RHOQ: variants seen among roughly 807,000 people sequenced by gnomAD.
RHOQ encodes rho-related GTP-binding protein RhoQ.
Under a neutral mutation model 25.8 loss-of-function variants are expected in RHOQ, and 7 were observed. The ratio of observed to expected loss-of-function variants is 0.27; its 90% CI spans 0.15 to 0.51. The LOEUF is 0.51. Among genes scored for constraint, RHOQ ranks in the 20% least tolerant of loss-of-function variants. The probability of loss-of-function intolerance (pLI) is 0.97; values close to 1 mark genes in which losing one functional copy is unlikely to be tolerated. For missense variants in RHOQ, 165 were observed against 260.6 expected, an observed-to-expected ratio of 0.63 and a Z score of 2.53; for synonymous variants, 97 against 98.6, an observed-to-expected ratio of 0.98 and a Z score of 0.10.
At position 46,551,396 on chromosome 2, in the gene RHOQ, TA is replaced by T. The variant is rs146779274; in HGVS notation, c.201+7587del. ...GGTGAAGATTTGGGAAGCATTGACCTAAATGAGTTCCAGCAGGCAGAGGGGT... is the reference window on the plus strand; with the variant it reads ...GGTGAAGATTTGGGAAGCATTGACCTAATGAGTTCCAGCAGGCAGAGGGGT... On this transcript the variant is annotated intron_variant, in intron 2 of 4. Coordinates refer to ENST00000238738, the MANE Select transcript of RHOQ (RefSeq NM_012249.4). Among the ~76,000 whole-genome samples the T allele has an allele frequency of 3.6e-3, 547 of 152,270 alleles. 3 individuals are homozygous for T. The highest frequency in any genetic ancestry group is 0.012 in the African/African-American group (518 of 41,532).
chr2:46,577,100 A>AC (rs1280546854), intron 4 of RHOQ: 1 of 152,920 alleles, frequency 6.5e-6, no homozygotes, highest in African/African-American at 2.4e-5. Flanking sequence ...CAGTGGAGCC[A>AC]CCTAGGATGA....
Position 46,543,222 on chromosome 2 carries a change from C to T in RHOQ, c.142+34C>T, listed in dbSNP as rs557856106. On this transcript the variant is annotated intron_variant, in intron 1 of 4. Transcript: ENST00000238738. ...CGGAACTGCTGACTAAGGGGCCGCT[C>T]CCCGGGCCGGGAACTTTGGAGCAAC... 2.2e-5 allele frequency: 35 copies of T among 1,609,026 alleles called. 1 individual carries two copies. In the South Asian group the frequency reaches 3.9e-4, roughly 18 times the overall value.
In RHOQ at chr2:46,556,453, C is replaced by A. The variant is rs906579341; in HGVS notation, c.201+12641C>A. On this transcript the variant is annotated intron_variant, in intron 2 of 4. Transcript: ENST00000238738. This position sits in a 1 kb window ranked among gnomAD's most constrained non-coding sequence, Gnocchi z 4.9. Reference sequence around the variant, plus strand: ...GGCGAGGGCTGATCTCTTCTCTACCCTTCTGATATTCTTTTTCTTAAAAAA... The same window carrying A: ...GGCGAGGGCTGATCTCTTCTCTACCATTCTGATATTCTTTTTCTTAAAAAA... Among the ~76,000 whole-genome samples the A allele has an allele frequency of 6.6e-6, 1 of 151,560 alleles. No homozygotes were observed. Among genetic ancestry groups the A allele is most frequent in the African/African-American group, 2.4e-5 (1 of 41,164 alleles).
Position 46,543,797 on chromosome 2 carries a change from T to C in RHOQ, c.186T>C (p.Tyr62=). 6.2e-7 allele frequency: 1 copy of C among 1,613,708 alleles called. No individual in the cohort carries two copies. The highest frequency in any genetic ancestry group is 8.5e-7 in the Non-Finnish European group (1 of 1,179,836). The change falls in exon 2 of 5, where the codon TAT becomes TAC. Residue 62 remains tyrosine (Y), a synonymous_variant. Coordinates refer to ENST00000238738, the MANE Select transcript of RHOQ (RefSeq NM_012249.4). ...VGGKQYLLGL[Y]DTAGQEDYDR... The stretch of plus-strand genomic sequence containing the variant: ...GCAAGCAGTACCTCCTAGGACTCTA[T>C]GACACGGCCGGACAGGTGAGTGTCT...
chr2:46,578,633 G>C (rs572911041), intron 4 of RHOQ, among the ~76,000 whole-genome samples: 1 of 137,774 alleles, frequency 7.3e-6, no homozygotes, highest in African/African-American at 2.7e-5. Flanking sequence ...GTGCATACCT[G>C]TAGTCCCAGC....
At chr2:46,560,622 G>A (rs992977376) in intron 2 of RHOQ, 1 of 456,124 alleles carries the variant, frequency 2.2e-6, no homozygotes, top group Non-Finnish European at 4.4e-6. Context: ...CGAGAGCATG[G>A]GTTTCCAGTG....
intron 2 of RHOQ, among the ~76,000 whole-genome samples, chr2:46,573,238 A>G (rs1433679811): frequency 6.6e-6 from 1 of 151,950 alleles, no homozygotes; most frequent in Non-Finnish European, 1.5e-5. Context: ...TAATTTTTGT[A>G]TTTTTAGTAG....
chr2:46,572,349 C>T (rs1668960309), intron 2 of RHOQ, among the ~76,000 whole-genome samples: 1 of 151,962 alleles, frequency 6.6e-6, no homozygotes, highest in African/African-American at 2.4e-5. Flanking sequence ...GCAATCTCCC[C>T]ACCTCGGCCT....
chr2:46,560,426 G>C (rs990663944), intron 2 of RHOQ: 6 of 344,734 alleles, frequency 1.7e-5, no homozygotes, highest in Admixed American at 7.4e-5. Flanking sequence ...TTTTTTTATA[G>C]TTAGAAACAT....
chr2:46,548,245 A>C lies in RHOQ; in HGVS notation c.201+4433A>C, dbSNP rs77077318. On this transcript the variant is annotated intron_variant, in intron 2 of 4. Transcript: ENST00000238738. The surrounding 1 kb of genome is among the most constrained non-coding windows in gnomAD (Gnocchi z 5.2). ...GTGAGATTTGTTTTACACTTGATATAACCCAGCAGCTGTGGCTGCCCTGCA... is the reference window on the plus strand; with the variant it reads ...GTGAGATTTGTTTTACACTTGATATCACCCAGCAGCTGTGGCTGCCCTGCA... Among the ~76,000 whole-genome samples, 2 of 152,326 alleles carry C rather than the reference A, an allele frequency of 1.3e-5. No individual in the cohort carries two copies. The highest frequency in any genetic ancestry group is 3.9e-4 in the East Asian group (2 of 5,178).
At chr2:46,568,431 C>T (rs948604259) in intron 2 of RHOQ, 3 of 152,146 alleles carry the variant, frequency 2.0e-5, no homozygotes, top group Non-Finnish European at 4.4e-5. Context: ...CTCATGACCA[C>T]GGGGAGGTTG....
intron 2 of RHOQ, chr2:46,568,470 C>G (rs1036790149): frequency 2.0e-5 from 3 of 152,182 alleles, no homozygotes; most frequent in African/African-American, 7.2e-5. Context: ...ACTGGACCAC[C>G]TTGAATTGTA....
chr2:46,555,381 C>T lies in RHOQ; in HGVS notation c.201+11569C>T, dbSNP rs1440338957. On this transcript the variant is annotated intron_variant, in intron 2 of 4. Coordinates refer to ENST00000238738, the MANE Select transcript of RHOQ (RefSeq NM_012249.4). This position sits in a 1 kb window ranked among gnomAD's most constrained non-coding sequence, Gnocchi z 4.3. ...TGCACGTAGCACATAGCACTTTGCA[C>T]AAGTGTTGGGGGCCCCAGTAGGAAC... Among the ~76,000 whole-genome samples the T allele has an allele frequency of 6.6e-6, 1 of 152,228 alleles. No homozygotes were observed. The highest frequency in any genetic ancestry group is 1.5e-5 in the Non-Finnish European group (1 of 68,044).
At chr2:46,549,509 C>G (rs562250872) in intron 2 of RHOQ, among the ~76,000 whole-genome samples, 1 of 152,292 alleles carries the variant, frequency 6.6e-6, no homozygotes, top group African/African-American at 2.4e-5. Context: ...ACAGAGGCCT[C>G]AGACACAACA....
Position 46,569,933 on chromosome 2 carries a change from A to G in RHOQ, c.202-6154A>G, listed in dbSNP as rs1200416517. On this transcript the variant is annotated intron_variant, in intron 2 of 4. Transcript: ENST00000238738. The surrounding 1 kb of genome is among the most constrained non-coding windows in gnomAD (Gnocchi z 4.1). ...CTTCCCCAAAATTTTCTTTAGTCCA[A>G]GAGTGCTGGGAGGTAGTAGGAAGTG... Among the ~76,000 whole-genome samples the G allele has an allele frequency of 6.6e-6, 1 of 152,214 alleles. No homozygotes were observed. Among genetic ancestry groups the G allele is most frequent in the Non-Finnish European group, 1.5e-5 (1 of 68,024 alleles).
Position 46,542,700 on chromosome 2 carries a change from C to G in RHOQ, c.-347C>G, listed in dbSNP as rs1048573664. 1 of 146,810 alleles carries G rather than the reference C, an allele frequency of 6.8e-6. No homozygotes were observed. The highest frequency in any genetic ancestry group is 1.5e-5 in the Non-Finnish European group (1 of 65,958). 9.1% of individuals were successfully genotyped at this position (146,810 alleles called of 1,614,324 possible). ...TGGCCCCTCCCCTCCGCCGCCCTCC[C>G]CAAAGTTGCCGTCTCCCCCGGGGCC... On this transcript the variant is annotated 5_prime_UTR_variant, in exon 1 of 5. Transcript: ENST00000238738.
intron 2 of RHOQ, among the ~76,000 whole-genome samples, chr2:46,547,590 C>T (rs1668113186): frequency 6.6e-6 from 1 of 152,244 alleles, no homozygotes; most frequent in South Asian, 2.1e-4. Context: ...GAGCAGCTGT[C>T]ACATTTTGAC....
intron 2 of RHOQ, among the ~76,000 whole-genome samples, chr2:46,572,120 T>TTTG (rs1558691092): frequency 1.2e-4 from 16 of 138,104 alleles, no homozygotes; most frequent in Non-Finnish European, 4.7e-5. Flanking sequence ...TTTTTTTTTT[T>TTTG]TTTTTTTTTT....
intron 2 of RHOQ, among the ~76,000 whole-genome samples, chr2:46,546,087 A>G (rs995244189): frequency 2.6e-5 from 4 of 152,096 alleles, no homozygotes; most frequent in African/African-American, 4.8e-5. Flanking sequence ...TTCATCTCCC[A>G]GCATTTGAGG....
Sources: gnomAD v4.1 joint callset for allele counts (sites outside exome capture counted in the v4.1 genomes callset) on GRCh38, gnomAD v4.1.1 for gene constraint, Gnocchi (gnomAD v3.1) non-coding constraint, MANE v1.5 for transcripts, NCBI Gene and HGNC (gene_info 2026-07-23, HGNC 2026-07-21) for gene names.